ABCD3: variants seen among roughly 807,000 people sequenced by gnomAD.
ABCD3 encodes the protein ATP binding cassette subfamily D member 3.
Under a neutral mutation model 105.5 loss-of-function variants are expected in ABCD3, and 41 were observed. The observed-to-expected ratio is 0.39, with a 90% CI of 0.30 to 0.50. ABCD3 has a LOEUF of 0.50. ABCD3 is among the 20% of genes least tolerant of loss of function. The pLI is 0.84. For missense variants in ABCD3, 622 were observed against 806.3 expected (o/e 0.77, Z 2.77); for synonymous variants, 258 against 269.0 (o/e 0.96, Z 0.40).
intron 10 of ABCD3, among the ~76,000 whole-genome samples, chr1:94,485,073 T>C (rs1272186109): frequency 6.6e-6 from 1 of 152,200 alleles, no homozygotes; most frequent in Non-Finnish European, 1.5e-5. Flanking sequence ...AATAAAACTT[T>C]ACTTAAAAAA....
chr1:94,451,054 AT>A (rs1647224517), intron 1 of ABCD3, among the ~76,000 whole-genome samples: 1 of 152,066 alleles, frequency 6.6e-6, no homozygotes, highest in Non-Finnish European at 1.5e-5. Context: ...TCAGTTGTAT[AT>A]TTTATTTTTA....
intron 20 of ABCD3, among the ~76,000 whole-genome samples, chr1:94,504,249 C>G (rs1650247158): frequency 6.6e-6 from 1 of 151,954 alleles, no homozygotes; most frequent in South Asian, 2.1e-4. Flanking sequence ...TCCCAGGTAG[C>G]TGGGACTACA....
At chr1:94,436,671 A>G (rs1262370934) in intron 1 of ABCD3, among the ~76,000 whole-genome samples, 1 of 152,182 alleles carries the variant, frequency 6.6e-6, no homozygotes, top group Non-Finnish European at 1.5e-5. Context: ...TCTCTGTATC[A>G]TATTATGGTA....
At chr1:94,439,506 G>A (rs1271691125) in intron 1 of ABCD3, among the ~76,000 whole-genome samples, 1 of 152,136 alleles carries the variant, frequency 6.6e-6, no homozygotes, top group Non-Finnish European at 1.5e-5. Flanking sequence ...GTCAGGTGTG[G>A]TGGCATGTGC....
intron 1 of ABCD3, among the ~76,000 whole-genome samples, chr1:94,437,373 A>G (rs796815000): frequency 1.2e-4 from 18 of 152,360 alleles, no homozygotes; most frequent in African/African-American, 3.8e-4. Flanking sequence ...CATTTACCAT[A>G]GTGAAAATCC....
At chr1:94,425,405 C>T (rs1342555630) in intron 1 of ABCD3, among the ~76,000 whole-genome samples, 3 of 152,174 alleles carry the variant, frequency 2.0e-5, no homozygotes, top group Non-Finnish European at 2.9e-5. Context: ...AAATATTCCT[C>T]TGTGTGACAA....
intron 21 of ABCD3, among the ~76,000 whole-genome samples, chr1:94,512,664 GCTGCTTTTAGTAGCTAAGT>G (rs1342267794): frequency 5.9e-5 from 9 of 151,874 alleles, no homozygotes; most frequent in African/African-American, 2.2e-4. Flanking sequence ...TTTTACCAAA[GCTGCTTTTAGTAGCTAAGT>G]CTGAGGCTAT....
chr1:94,445,340 C>T (rs1490462125), intron 1 of ABCD3, among the ~76,000 whole-genome samples: 3 of 152,074 alleles, frequency 2.0e-5, no homozygotes, highest in Non-Finnish European at 2.9e-5. Context: ...GTTGAGGGGT[C>T]GCTGGAGTGA....
At chr1:94,416,118 T>C (rs1282295033), upstream of ABCD3, among the ~76,000 whole-genome samples, 3 of 152,244 alleles carry the variant, frequency 2.0e-5, no homozygotes, top group Non-Finnish European at 4.4e-5. Context: ...TTTTCTAGAC[T>C]GTTTTTGACT....
the ABCD3 span, among the ~76,000 whole-genome samples, chr1:94,409,687 G>A: frequency 6.6e-6 from 1 of 152,144 alleles, no homozygotes; most frequent in Non-Finnish European, 1.5e-5. Context: ...CATCATTGTG[G>A]CGTTTCTGAC....
intron 8 of ABCD3, among the ~76,000 whole-genome samples, chr1:94,479,465 A>C (rs4148046): frequency 0.26 from 39,155 of 151,656 alleles, 5,676 homozygotes; most frequent in Admixed American, 0.34. Context: ...ACTTACTAGC[A>C]CATATATTGT....
intron 9 of ABCD3, among the ~76,000 whole-genome samples, chr1:94,481,184 T>A (rs1044941385): frequency 6.6e-6 from 1 of 152,222 alleles, no homozygotes; most frequent in Non-Finnish European, 1.5e-5. Flanking sequence ...GCAATGAGGA[T>A]TAAATTTGAT....
At chr1:94,507,168 G>A (rs1254361475) in intron 21 of ABCD3, among the ~76,000 whole-genome samples, 2 of 151,318 alleles carry the variant, frequency 1.3e-5, no homozygotes, top group East Asian at 3.9e-4. Flanking sequence ...AGTCCCCAGA[G>A]TGTGATGTTC....
chr1:94,515,739 A>G (rs546784081), intron 22 of ABCD3, among the ~76,000 whole-genome samples: 1 of 151,946 alleles, frequency 6.6e-6, no homozygotes, highest in South Asian at 2.1e-4. Context: ...CATTCTCACT[A>G]TGTCAGTTCT....
the ABCD3 span, among the ~76,000 whole-genome samples, chr1:94,387,398 G>A: frequency 1.3e-5 from 2 of 152,110 alleles, no homozygotes; most frequent in Admixed American, 6.6e-5. Context: ...AGCTCTTGGA[G>A]CTCCCTGCTG....
At chr1:94,466,438 T>G (rs773254654) in intron 3 of ABCD3, among the ~76,000 whole-genome samples, 1 of 152,174 alleles carries the variant, frequency 6.6e-6, no homozygotes, top group Non-Finnish European at 1.5e-5. Flanking sequence ...AATCAAAACA[T>G]GTAACTTCAT....
chr1:94,515,306 C>A, intron 22 of ABCD3, 104 bp downstream of exon 22: 1 of 940,988 alleles, frequency 1.1e-6, no homozygotes, highest in Non-Finnish European at 1.7e-6. Context: ...TTCCCTTAAA[C>A]ATATGTCTTA....
chr1:94,418,685 CGGGGTCG>C, intron 1 of ABCD3, 97 bp downstream of exon 1: 1 of 1,324,138 alleles, frequency 7.6e-7, no homozygotes, highest in Non-Finnish European at 1.0e-6. Flanking sequence ...CTTTGCCCGA[CGGGGTCG>C]GGCGGAGAGA....
chr1:94,477,227 C>CAAAAAAAAAAAAAA (rs561060182), intron 7 of ABCD3, among the ~76,000 whole-genome samples: 2 of 44,296 alleles, frequency 4.5e-5, no homozygotes, highest in Admixed American at 4.6e-4. Context: ...ACTTATAAGG[C>CAAAAAAAAAAAAAA]AAAAAAAAAA....
Sources: gnomAD v4.1 joint callset for allele counts (sites outside exome capture counted in the v4.1 genomes callset) on GRCh38, gnomAD v4.1.1 for gene constraint, MANE v1.5 for transcripts, NCBI Gene and HGNC (gene_info 2026-07-23, HGNC 2026-07-21) for gene names.